The following TCF12 variants were observed in gnomAD, a reference collection of about 807,000 sequenced individuals.
TCF12 encodes the protein transcription factor 12, also known as DNA-binding protein HTF4.
In TCF12, 45 loss-of-function variants were observed where a neutral mutation model predicts 86.0. The observed-to-expected ratio is 0.52, with a 90% confidence interval of 0.41 to 0.67. The LOEUF is 0.67. Ranked by LOEUF, TCF12 falls within the 30% of genes least tolerant of loss-of-function variation. The pLI, the probability that TCF12 is intolerant of heterozygous loss-of-function variation, is 0.00. For synonymous variants in TCF12, 330 were observed against 299.6 expected (o/e 1.10, Z -1.05); for missense variants, 881 against 859.9 (o/e 1.02, Z -0.31).
chr15:57,282,737 G>A, intron 20 of TCF12, 139 bp downstream of exon 20: 1 of 1,118,534 alleles, frequency 8.9e-7, no homozygotes, highest in East Asian at 2.5e-5. Flanking sequence ...ATAACAGTTT[G>A]TCTTTCTGTT....
intron 8 of TCF12, among the ~76,000 whole-genome samples, chr15:57,206,582 C>CTTTTTT (rs67531540): frequency 2.9e-4 from 24 of 83,836 alleles, no homozygotes; most frequent in African/African-American, 3.7e-4. Context: ...CTTGTATTCT[C>CTTTTTT]TTTTTTTTTT....
intron 2 of TCF12, among the ~76,000 whole-genome samples, chr15:56,920,708 A>C (rs1388890940): frequency 6.6e-6 from 1 of 152,128 alleles, no homozygotes; most frequent in East Asian, 1.9e-4. Flanking sequence ...GTATATTGAG[A>C]TATAATGTAA....
rs2061018263 is a variant in TCF12 at position 56,946,798 on chromosome 15, C to CCT, written c.148+25700_148+25701insCT. Among the ~76,000 whole-genome samples the CCT allele has an allele frequency of 6.2e-5, 7 of 113,544 alleles. No individual in the cohort carries two copies. The East Asian group carries it at 7.9e-4, about 13-fold the overall frequency. 74.5% of individuals were successfully genotyped at this position (113,544 alleles called of 152,430 possible). A position where few individuals can be genotyped will look rare whatever the true frequency, so the allele number is the denominator to read the frequency against. On this transcript the variant is annotated intron_variant, in intron 3 of 20. Transcript: ENST00000333725. Reference sequence around the variant, plus strand: ...GCTTTTGTGAGTGAGTCTAAAGTACCTTTTTTTTTTTTTTTTTTTTGAGAC... The same window carrying CCT: ...GCTTTTGTGAGTGAGTCTAAAGTACCCTTTTTTTTTTTTTTTTTTTTTGAGAC...
At position 57,111,451 on chromosome 15, in the gene TCF12, G is replaced by C. The variant is rs2050481939; in HGVS notation, c.325+19560G>C. ...AGGGAAGATGACACAAAGGGGAATA[G>C]AAGTAATCAGTAGGCCTTGCAACCC... On this transcript the variant is annotated intron_variant, in intron 5 of 20. Coordinates refer to ENST00000333725, the MANE Select transcript of TCF12 (RefSeq NM_207037.2). Among the ~76,000 whole-genome samples, 3 of 152,188 alleles carry C rather than the reference G, an allele frequency of 2.0e-5. No homozygotes were observed. The South Asian group carries it at 6.2e-4, about 32-fold the overall frequency.
intron 5 of TCF12, chr15:57,130,066 G>A (rs1018514282): frequency 2.0e-4 from 31 of 152,254 alleles, no homozygotes; most frequent in African/African-American, 6.7e-4. Context: ...CCTTTTCAAG[G>A]AATCGAATTT....
intron 6 of TCF12, among the ~76,000 whole-genome samples, chr15:57,180,483 A>G (rs1243273398): frequency 6.6e-6 from 1 of 152,168 alleles, no homozygotes; most frequent in Non-Finnish European, 1.5e-5. Flanking sequence ...AAATCATAAC[A>G]GTTTATGTAT....
chr15:57,123,648 A>G (rs2051396929), intron 5 of TCF12, among the ~76,000 whole-genome samples: 1 of 151,662 alleles, frequency 6.6e-6, no homozygotes, highest in South Asian at 2.1e-4. Flanking sequence ...CACTCAGCTA[A>G]TGTAAAAAAA....
chr15:57,063,618 A>G, intron 3 of TCF12, 132 bp from the exon 4 acceptor site: 1 of 570,454 alleles, frequency 1.8e-6, no homozygotes, highest in South Asian at 3.6e-5. Context: ...AGGTTTCTGA[A>G]GCAAGGATTG....
At chr15:56,964,137 TTTCTC>T (rs2061896464) in intron 3 of TCF12, among the ~76,000 whole-genome samples, 1 of 152,202 alleles carries the variant, frequency 6.6e-6, no homozygotes, top group African/African-American at 2.4e-5. Context: ...TGTATGAGGT[TTTCTC>T]TTCTCAAGTC....
intron 6 of TCF12, among the ~76,000 whole-genome samples, chr15:57,182,695 A>T (rs1666888166): frequency 6.6e-6 from 1 of 152,148 alleles, no homozygotes; most frequent in Non-Finnish European, 1.5e-5. Flanking sequence ...GCATTTCCTA[A>T]CCACATATCC....
chr15:57,210,943 A>G (rs1189581651), intron 8 of TCF12, among the ~76,000 whole-genome samples: 1 of 152,238 alleles, frequency 6.6e-6, no homozygotes, highest in African/African-American at 2.4e-5. Flanking sequence ...TTATTACAGA[A>G]TAGTGCAGGA....
chr15:57,271,137 G>C (rs552991458), intron 18 of TCF12, among the ~76,000 whole-genome samples: 4 of 152,214 alleles, frequency 2.6e-5, no homozygotes, highest in Non-Finnish European at 4.4e-5. Flanking sequence ...TGGAGAAACT[G>C]TCTGCTGCCT....
chr15:57,191,473 A>G (rs887202199), intron 6 of TCF12, among the ~76,000 whole-genome samples: 9 of 152,084 alleles, frequency 5.9e-5, no homozygotes, highest in Non-Finnish European at 1.2e-4. Context: ...AAAAAGAAAA[A>G]AGGAAAGGAA....
At chr15:57,164,267 A>T (rs1352510737) in intron 5 of TCF12, among the ~76,000 whole-genome samples, 1 of 152,178 alleles carries the variant, frequency 6.6e-6, no homozygotes, top group African/African-American at 2.4e-5. Flanking sequence ...AAAGTTTTGA[A>T]CTGTGGGTGT....
chr15:57,247,621 T>A (rs2059923945), intron 13 of TCF12: 2 of 798,690 alleles, frequency 2.5e-6, no homozygotes, highest in South Asian at 1.3e-5. Context: ...CAAAGTAGTC[T>A]CTTAAATTAT....
chr15:57,250,966 T>C (rs1231593334), intron 13 of TCF12, among the ~76,000 whole-genome samples: 3 of 145,452 alleles, frequency 2.1e-5, no homozygotes, highest in Non-Finnish European at 3.0e-5. Context: ...GAAATAATAA[T>C]GTAGTCATTA....
intron 8 of TCF12, among the ~76,000 whole-genome samples, chr15:57,230,011 G>A (rs115723134): frequency 0.012 from 1,752 of 151,894 alleles, 31 homozygotes; most frequent in African/African-American, 0.039. Flanking sequence ...ATATATGCTT[G>A]GGGTAAAATA....
chr15:57,175,886 A>G (rs1195453876), intron 6 of TCF12, among the ~76,000 whole-genome samples: 1 of 152,234 alleles, frequency 6.6e-6, no homozygotes, highest in Non-Finnish European at 1.5e-5. Flanking sequence ...AATTTTAAAA[A>G]GAAATGTTGT....
At chr15:56,985,701 A>G (rs1307547155) in intron 3 of TCF12, among the ~76,000 whole-genome samples, 1 of 152,172 alleles carries the variant, frequency 6.6e-6, no homozygotes, top group Non-Finnish European at 1.5e-5. Context: ...ACCCCATAGT[A>G]CCTACCTAAT....
Sources: allele counts gnomAD v4.1 joint callset (sites outside exome capture counted in the v4.1 genomes callset), GRCh38; gene constraint gnomAD v4.1.1; transcripts MANE v1.5; gene names NCBI Gene and HGNC (gene_info 2026-07-23, HGNC 2026-07-21).